Variants in ICE1 observed in about 807,000 individuals in gnomAD.
ICE1 encodes little elongation complex subunit 1.
ICE1 carries 64 observed loss-of-function variants against 192.7 expected under a neutral mutation model. That is an observed-to-expected ratio of 0.33 (90% CI 0.27 to 0.41). ICE1 has a LOEUF of 0.41. Ranked by LOEUF, ICE1 falls within the 10% of genes least tolerant of loss-of-function variation. The probability of loss-of-function intolerance (pLI) is 1.00; values close to 1 mark genes in which losing one functional copy is unlikely to be tolerated. For missense variants in ICE1, 2,708 were observed against 2,696.0 expected (o/e 1.00, Z -0.10); for synonymous variants, 1,010 against 984.5 (o/e 1.03, Z -0.49).
chr5:5,449,347 A>G (rs1364745474), intron 10 of ICE1, among the ~76,000 whole-genome samples: 1 of 152,108 alleles, frequency 6.6e-6, no homozygotes, highest in African/African-American at 2.4e-5. Flanking sequence ...CTTATGGAAA[A>G]GATTTGCAAA....
In ICE1 at chr5:5,424,300, G is replaced by A. The variant is rs148026236; in HGVS notation, c.84+1301G>A. Among the ~76,000 whole-genome samples, 703 of 152,260 alleles carry A rather than the reference G, an allele frequency of 4.6e-3. 5 individuals are homozygous for A. Among genetic ancestry groups the A allele is most frequent in the African/African-American group, 0.016 (668 of 41,530 alleles). ...AGGAAGGGGAGGAAGGAAATGTGCT[G>A]CTTTTGTGAGTAGAAGGAGAACTAA... On this transcript the variant is annotated intron_variant, in intron 1 of 18. Coordinates refer to ENST00000296564, the MANE Select transcript of ICE1 (RefSeq NM_015325.3).
chr5:5,427,256 A>T (rs545062603), intron 1 of ICE1, among the ~76,000 whole-genome samples: 1 of 152,314 alleles, frequency 6.6e-6, no homozygotes, highest in African/African-American at 2.4e-5. Context: ...TTCATTGCTG[A>T]TCCATAGCCC....
At chr5:5,476,106 T>C (rs763415039) in intron 17 of ICE1, 27 bp downstream of exon 17, 2 of 1,377,226 alleles carry the variant, frequency 1.5e-6, no homozygotes, top group Non-Finnish European at 2.0e-6. Flanking sequence ...ATTATTGTTT[T>C]TTTCTTGTTA....
chr5:5,440,031 A>G, intron 4 of ICE1, 118 bp downstream of exon 4: 1 of 536,850 alleles, frequency 1.9e-6, no homozygotes, highest in Non-Finnish European at 3.3e-6. Context: ...AGGATTACTC[A>G]TAATATAGAA....
chr5:5,460,333 G>C, intron 12 of ICE1, 103 bp from the exon 13 acceptor site: 1 of 818,400 alleles, frequency 1.2e-6, no homozygotes, highest in Non-Finnish European at 1.9e-6. Context: ...TGATTGTAAA[G>C]ATTCTTCAGG....
chr5:5,453,870 T>C (rs1322240051), intron 10 of ICE1, among the ~76,000 whole-genome samples: 1 of 152,224 alleles, frequency 6.6e-6, no homozygotes, highest in African/African-American at 2.4e-5. Flanking sequence ...TTAACTATTT[T>C]AGGAATTTAC....
chr5:5,460,942 C>A lies in ICE1; in HGVS notation c.1608C>A (p.Gly536=). 6.2e-7 allele frequency: 1 copy of A among 1,614,000 alleles called. No individual in the cohort carries two copies. The highest frequency in any genetic ancestry group is 8.5e-7 in the Non-Finnish European group (1 of 1,179,892). ...GKSELCSSPL[G]KRPLNELMES... Reference sequence around the variant, plus strand: ...CTGAGTTGTGTTCTTCTCCCCTTGGCAAAAGGCCATTAAATGAACTCATGG... The same window carrying A: ...CTGAGTTGTGTTCTTCTCCCCTTGGAAAAAGGCCATTAAATGAACTCATGG... The change falls in exon 13 of 19, where the codon GGC becomes GGA. Residue 536 remains glycine, a synonymous_variant. Transcript: ENST00000296564.
In ICE1 at chr5:5,464,352, G is replaced by T. The variant is rs1157878610; in HGVS notation, c.5018G>T (p.Arg1673Leu). Reference sequence around the variant, plus strand: ...CCTGTTGGCCAGGTTTCTCCCTTCCGTGAAACCCCAGTGCCTCCTGCCATG... The same window carrying T: ...CCTGTTGGCCAGGTTTCTCCCTTCCTTGAAACCCCAGTGCCTCCTGCCATG... ...ASPVGQVSPFRETPVPPAMSP... is the reference protein window; with the variant it reads ...ASPVGQVSPFLETPVPPAMSP... The change falls in exon 13 of 19, where the codon CGT becomes CTT. Residue 1673 changes from arginine to leucine, a missense_variant. Coordinates refer to ENST00000296564, the MANE Select transcript of ICE1 (RefSeq NM_015325.3). The surrounding 1 kb of genome is among the most constrained non-coding windows in gnomAD (Gnocchi z 4.0). 5 of 1,613,440 alleles carry T rather than the reference G, an allele frequency of 3.1e-6. No homozygotes were observed. The highest frequency in any genetic ancestry group is 1.3e-5 in the African/African-American group (1 of 74,772).
At position 5,422,954 on chromosome 5, in the gene ICE1, G is replaced by A. The variant is rs1737354117; in HGVS notation, c.39G>A (p.Thr13=). The A allele has an allele frequency of 6.9e-7, 1 of 1,450,396 alleles. No homozygotes were observed. The highest frequency in any genetic ancestry group is 9.1e-7 in the Non-Finnish European group (1 of 1,103,406). The allele number at this position is 1,450,396 out of a possible 1,614,324, so 89.8% of individuals were successfully genotyped here. A position where few individuals can be genotyped will look rare whatever the true frequency, so the allele number is the denominator to read the frequency against. Residue 13 remains threonine (T), a synonymous_variant, in exon 1 of 19, where the codon ACG becomes ACA. Transcript: ENST00000296564. ...PGETHSAAPG[T]AADLSRCQGC... is the part of the protein sequence containing the mutation. Reference sequence around the variant, plus strand: ...AGACCCATTCGGCGGCGCCCGGGACGGCGGCGGACCTGTCGCGATGTCAGG... The same window carrying A: ...AGACCCATTCGGCGGCGCCCGGGACAGCGGCGGACCTGTCGCGATGTCAGG...
At chr5:5,454,276 C>T (rs1023901964) in intron 10 of ICE1, among the ~76,000 whole-genome samples, 1 of 152,170 alleles carries the variant, frequency 6.6e-6, no homozygotes, top group African/African-American at 2.4e-5. Context: ...AAGCCTTTCA[C>T]AGCAAGTACA....
At chr5:5,478,266 A>G (rs1179895608) in intron 17 of ICE1, among the ~76,000 whole-genome samples, 5 of 152,388 alleles carry the variant, frequency 3.3e-5, no homozygotes, top group South Asian at 4.1e-4. Flanking sequence ...GCAAAGTCTC[A>G]GGATACAAAA....
At chr5:5,455,279 C>T (rs748731543) in intron 11 of ICE1, among the ~76,000 whole-genome samples, 5 of 152,158 alleles carry the variant, frequency 3.3e-5, no homozygotes, top group Non-Finnish European at 7.3e-5. Flanking sequence ...GGACAAGTTA[C>T]TGATTCTTAC....
intron 11 of ICE1, among the ~76,000 whole-genome samples, chr5:5,456,151 T>C (rs1254804032): frequency 6.6e-6 from 1 of 152,224 alleles, no homozygotes; most frequent in Non-Finnish European, 1.5e-5. Flanking sequence ...ATAGGTGATG[T>C]GGATATGTAT....
chr5:5,446,361 C>T (rs780691744), intron 7 of ICE1, among the ~76,000 whole-genome samples: 4 of 152,106 alleles, frequency 2.6e-5, no homozygotes, highest in Non-Finnish European at 5.9e-5. Context: ...GTGGTGCAGT[C>T]ATGGCTTACT....
At chr5:5,470,753 A>G (rs1299478907) in intron 15 of ICE1, among the ~76,000 whole-genome samples, 1 of 152,250 alleles carries the variant, frequency 6.6e-6, no homozygotes, top group Non-Finnish European at 1.5e-5. Context: ...ATAATTCAGT[A>G]AAATTTAACA....
chr5:5,431,137 T>C (rs2111333391), intron 1 of ICE1, among the ~76,000 whole-genome samples: 1 of 152,242 alleles, frequency 6.6e-6, no homozygotes, highest in East Asian at 1.9e-4. Flanking sequence ...TGAGGTTTCT[T>C]CGGGGTCTCT....
At chr5:5,447,331 A>G (rs151239153) in intron 7 of ICE1, 96 bp from the exon 8 acceptor site, 418 of 776,064 alleles carry the variant, frequency 5.4e-4, no homozygotes, top group Non-Finnish European at 7.7e-4. Context: ...GAAATGAGAA[A>G]AACTTGTAAT....
intron 6 of ICE1, among the ~76,000 whole-genome samples, chr5:5,443,539 C>G (rs1333270357): frequency 6.6e-6 from 1 of 152,136 alleles, no homozygotes; most frequent in Non-Finnish European, 1.5e-5. Flanking sequence ...TTTGCATGCA[C>G]ATGTGTCTGT....
At chr5:5,458,551 A>G (rs187004699) in intron 12 of ICE1, among the ~76,000 whole-genome samples, 1 of 152,296 alleles carries the variant, frequency 6.6e-6, no homozygotes, top group African/African-American at 2.4e-5. Flanking sequence ...CTGAAGATTC[A>G]ATCCCCACAC....
Sources: allele counts gnomAD v4.1 joint callset (sites outside exome capture counted in the v4.1 genomes callset), GRCh38; gene constraint gnomAD v4.1.1; non-coding constraint Gnocchi (gnomAD v3.1); transcripts MANE v1.5; gene names NCBI Gene and HGNC (gene_info 2026-07-23, HGNC 2026-07-21).